Variants in NAALADL2 observed in about 807,000 individuals in gnomAD.
NAALADL2 encodes inactive N-acetylated-alpha-linked acidic dipeptidase-like protein 2.
Under a neutral mutation model 87.2 loss-of-function variants are expected in NAALADL2, and 76 were observed. The ratio of observed to expected loss-of-function variants is 0.87; its 90% CI spans 0.72 to 1.05. The LOEUF is 1.05. NAALADL2 is among the 50% of genes least tolerant of loss of function. The pLI is 0.00. For missense variants in NAALADL2, 1,089 were observed against 945.8 expected, an observed-to-expected ratio of 1.15 and a Z score of -1.99; for synonymous variants, 354 against 331.0, an observed-to-expected ratio of 1.07 and a Z score of -0.75.
chr3:174,825,745 G>T (rs1460816432), intron 3 of NAALADL2, among the ~76,000 whole-genome samples: 3 of 152,016 alleles, frequency 2.0e-5, no homozygotes, highest in African/African-American at 7.2e-5. Context: ...ATCTTTTGAA[G>T]GGCCAGGCAC....
chr3:175,809,159 A>T lies in NAALADL2; in HGVS notation c.*5956A>T, dbSNP rs1754950820. On this transcript the variant is annotated 3_prime_UTR_variant, in exon 14 of 14. Coordinates refer to ENST00000454872, the MANE Select transcript of NAALADL2 (RefSeq NM_207015.3). Reference sequence around the variant, plus strand: ...GCTATTACTCTCTAAACAGAACTTTAGCATATCTGTTTGATAAGAAATACA... The same window carrying T: ...GCTATTACTCTCTAAACAGAACTTTTGCATATCTGTTTGATAAGAAATACA... 6.6e-6 allele frequency: 1 copy of T among 152,058 alleles called. No homozygotes were observed. The highest frequency in any genetic ancestry group is 1.5e-5 in the Non-Finnish European group (1 of 67,980). The allele number at this position is 152,058 out of a possible 1,614,324, so 9.4% of individuals were successfully genotyped here.
At chr3:175,560,714 C>A (rs572687861) in intron 9 of NAALADL2, among the ~76,000 whole-genome samples, 100 of 152,266 alleles carry the variant, frequency 6.6e-4, no homozygotes, top group African/African-American at 2.3e-3. Flanking sequence ...CTCCGCCTCC[C>A]GGGTTCAAGT....
intron 1 of NAALADL2, among the ~76,000 whole-genome samples, chr3:174,891,968 CACA>C (rs1341322699): frequency 6.6e-6 from 1 of 152,076 alleles, no homozygotes; most frequent in Non-Finnish European, 1.5e-5. Flanking sequence ...CTGGCTCAGC[CACA>C]ACAAGGTATC....
chr3:174,814,803 G>C (rs1006559863), intron 3 of NAALADL2, among the ~76,000 whole-genome samples: 6 of 152,082 alleles, frequency 3.9e-5, no homozygotes, highest in Non-Finnish European at 5.9e-5. Context: ...CAACTCTTTT[G>C]ATTACTTAGA....
intron 13 of NAALADL2, among the ~76,000 whole-genome samples, chr3:175,766,043 G>A (rs1344900747): frequency 1.3e-5 from 2 of 152,036 alleles, no homozygotes; most frequent in Admixed American, 6.6e-5. Context: ...TGAGATTATA[G>A]TGTTAATATA....
intron 3 of NAALADL2, among the ~76,000 whole-genome samples, chr3:174,821,282 C>G (rs1721386650): frequency 6.6e-6 from 1 of 152,010 alleles, no homozygotes; most frequent in Admixed American, 6.6e-5. Flanking sequence ...ATATTTAACT[C>G]CTCATTTATA....
At chr3:175,295,502 G>A (rs7612659) in intron 4 of NAALADL2, among the ~76,000 whole-genome samples, 67,963 of 151,724 alleles carry the variant, frequency 0.45, 16,187 homozygotes, top group Non-Finnish European at 0.52. Flanking sequence ...GCATGCCCTC[G>A]TACAAAAAAA....
At chr3:175,533,684 A>G (rs1734405940) in intron 9 of NAALADL2, among the ~76,000 whole-genome samples, 1 of 152,202 alleles carries the variant, frequency 6.6e-6, no homozygotes, top group African/African-American at 2.4e-5. Context: ...TTAACAGTGA[A>G]CACCTGGCGA....
In NAALADL2 at chr3:175,161,167, G is replaced by C. The variant is rs548290467; in HGVS notation, c.545+63876G>C. The stretch of plus-strand genomic sequence containing the variant: ...GTGTCTGTTCTTCATGGCTTTTACA[G>C]TAATGATTTAGGCATCATAGATCTG... On this transcript the variant is annotated intron_variant, in intron 2 of 13. Transcript: ENST00000454872. Among the ~76,000 whole-genome samples the C allele has an allele frequency of 2.0e-5, 3 of 152,086 alleles. No individual in the cohort carries two copies. In the South Asian group the frequency reaches 6.2e-4, roughly 32 times the overall value.
At chr3:175,632,146 C>T (rs919528784) in intron 11 of NAALADL2, among the ~76,000 whole-genome samples, 1 of 151,886 alleles carries the variant, frequency 6.6e-6, no homozygotes, top group Non-Finnish European at 1.5e-5. Context: ...CCAGGTGTTG[C>T]AGGAGGGACC....
At position 175,059,982 on chromosome 3, in the gene NAALADL2, A is replaced by T. The variant is rs868181589; in HGVS notation, c.44-36808A>T. 1.4e-5 allele frequency: 6 copies of T among 437,096 alleles called. 1 individual carries two copies. In the Middle Eastern group the frequency reaches 2.6e-3, roughly 192 times the overall value. The allele number at this position is 437,096 out of a possible 1,614,324, so 27.1% of individuals were successfully genotyped here. A position where few individuals can be genotyped will look rare whatever the true frequency, so the allele number is the denominator to read the frequency against. ...TGTAGCTCTTGTCTGCCAGGTAATC[A>T]TTGAGCACATGGAGGCCAGCAGGGC... On this transcript the variant is annotated intron_variant, in intron 1 of 13. Transcript: ENST00000454872.
intron 9 of NAALADL2, among the ~76,000 whole-genome samples, chr3:175,513,548 C>A: frequency 6.6e-6 from 1 of 152,136 alleles, no homozygotes; most frequent in East Asian, 1.9e-4. Context: ...AGCGATCCAA[C>A]CTATTTTAGC....
intron 2 of NAALADL2, among the ~76,000 whole-genome samples, chr3:175,148,123 TAAAA>T (rs1731042819): frequency 6.8e-6 from 1 of 146,114 alleles, no homozygotes. Context: ...ATAATAATAA[TAAAA>T]TAATAATAAT....
At chr3:174,594,313 A>G (rs1490452403) in intron 2 of NAALADL2, among the ~76,000 whole-genome samples, 1 of 152,078 alleles carries the variant, frequency 6.6e-6, no homozygotes, top group South Asian at 2.1e-4. Flanking sequence ...TCATAGCTCA[A>G]TGTGTTTTCA....
At chr3:175,636,414 A>C (rs758377613) in intron 11 of NAALADL2, among the ~76,000 whole-genome samples, 2 of 152,060 alleles carry the variant, frequency 1.3e-5, no homozygotes, top group East Asian at 3.9e-4. Context: ...ACTTCAAGGA[A>C]TCGGCGGGGC....
chr3:174,924,701 G>C (rs9755017), intron 1 of NAALADL2, among the ~76,000 whole-genome samples: 56,416 of 151,902 alleles, frequency 0.37, 11,264 homozygotes, highest in African/African-American at 0.53. Context: ...GTTCCTATTT[G>C]TCCACATCCT....
intron 1 of NAALADL2, among the ~76,000 whole-genome samples, chr3:174,538,783 A>C (rs1033734100): frequency 3.3e-5 from 5 of 152,062 alleles, no homozygotes; most frequent in Non-Finnish European, 7.4e-5. Flanking sequence ...AAACTCTTTC[A>C]ACCAATTACC....
chr3:175,529,044 G>A (rs1733771258), intron 9 of NAALADL2, among the ~76,000 whole-genome samples: 2 of 152,140 alleles, frequency 1.3e-5, no homozygotes, highest in Admixed American at 6.5e-5. Flanking sequence ...TTCCTGAAGG[G>A]TCTGGGCCAT....
chr3:174,508,407 C>G (rs1308333620), intron 1 of NAALADL2, among the ~76,000 whole-genome samples: 1 of 151,990 alleles, frequency 6.6e-6, no homozygotes, highest in African/African-American at 2.4e-5. Context: ...GCCACCGCAC[C>G]CGGTCCCTGG....
Sources: allele counts gnomAD v4.1 joint callset (sites outside exome capture counted in the v4.1 genomes callset), GRCh38; gene constraint gnomAD v4.1.1; transcripts MANE v1.5; gene names NCBI Gene and HGNC (gene_info 2026-07-23, HGNC 2026-07-21).